P2RY12: variants seen among roughly 807,000 people sequenced by gnomAD.
P2RY12 encodes the protein P2Y purinoceptor 12.
In P2RY12, 3 loss-of-function variants were observed where a neutral mutation model predicts 4.5. The observed-to-expected ratio is 0.67, with a 90% CI of 0.31 to 1.74. The LOEUF is 1.74. Among genes scored for constraint, P2RY12 ranks in the 40% most tolerant of loss-of-function variants. P2RY12 has a pLI of 0.09. For synonymous variants in P2RY12, 148 were observed against 154.1 expected, an observed-to-expected ratio of 0.96 and a Z score of 0.29; for missense variants, 356 against 407.8, an observed-to-expected ratio of 0.87 and a Z score of 1.09.
chr3:151,365,099 C>G, intron 1 of P2RY12: 1 of 1,613,988 alleles, frequency 6.2e-7, no homozygotes. Context: ...CCCGCAGCAT[C>G]AACTACTCAA....
chr3:151,338,226 A>G lies in P2RY12; in HGVS notation c.620T>C (p.Val207Ala), dbSNP rs370983746. 12 of 1,614,020 alleles carry G rather than the reference A, an allele frequency of 7.4e-6. No homozygotes were observed. Among genetic ancestry groups the G allele is most frequent in the Non-Finnish European group, 1.0e-5 (12 of 1,180,012 alleles). ...TTCTTTTGTAATGAGTGTATAACAT[A>G]CAATAACAATTAAGAAATTAATCCA... ...IFWINFLIVIVCYTLITKELY... is the reference protein window; with the variant it reads ...IFWINFLIVIACYTLITKELY... The change falls in exon 3 of 3, where the codon GTA becomes GCA. Residue 207 changes from valine to alanine, a missense_variant. Val to Ala is a moderately conservative substitution (Grantham distance 64). Transcript: ENST00000302632.
intron 1 of P2RY12, chr3:151,365,009 A>G: frequency 6.2e-7 from 1 of 1,613,966 alleles, no homozygotes; most frequent in Non-Finnish European, 8.5e-7. Flanking sequence ...AGCAAACCAT[A>G]TATAATAACG....
chr3:151,376,920 A>G (rs1224996426), intron 1 of P2RY12: 2 of 1,611,794 alleles, frequency 1.2e-6, no homozygotes. Flanking sequence ...TTTTATAAAA[A>G]GCAAAAACAC....
rs1389118773 is a variant in P2RY12, at chr3:151,337,108, AT to A, written c.*708del. On this transcript the variant is annotated 3_prime_UTR_variant, in exon 3 of 3. Transcript: ENST00000302632. ...AACTAGTTTCTCTAGAATTAAGGAA[AT>A]ATTTCTATATTTTTTAGTATTAGAA... The A allele has an allele frequency of 6.6e-6, 1 of 152,098 alleles. No individual in the cohort carries two copies. The highest frequency in any genetic ancestry group is 1.9e-4 in the East Asian group (1 of 5,198). The allele number at this position is 152,098 out of a possible 1,614,324, so 9.4% of individuals were successfully genotyped here. A position where few individuals can be genotyped will look rare whatever the true frequency, so the allele number is the denominator to read the frequency against.
rs1176157032 is a variant in P2RY12 at position 151,364,900 on chromosome 3, AAT to A, written c.-180+19790_-180+19791del. 6.6e-5 allele frequency: 67 copies of A among 1,010,674 alleles called. No homozygotes were observed. The Admixed American group carries it at 1.2e-3, about 19-fold the overall frequency. 62.6% of individuals were successfully genotyped at this position (1,010,674 alleles called of 1,614,324 possible). On this transcript the variant is annotated intron_variant, in intron 1 of 2. Coordinates refer to ENST00000302632, the MANE Select transcript of P2RY12 (RefSeq NM_022788.5). ...GAATGCATTACAGTTCCTGCCATTT[AAT>A]ATGTCCTTAAGTGAAATAGTTTTCT...
At chr3:151,367,943 AC>A (rs1560085284) in intron 1 of P2RY12, among the ~76,000 whole-genome samples, 1 of 152,196 alleles carries the variant, frequency 6.6e-6, no homozygotes. Context: ...AACATGTATC[AC>A]CGTGAAAAAG....
At chr3:151,378,929 AGCAAT>A (rs1342409664) in intron 1 of P2RY12, among the ~76,000 whole-genome samples, 5 of 152,224 alleles carry the variant, frequency 3.3e-5, no homozygotes, top group Non-Finnish European at 7.3e-5. Flanking sequence ...AAATTCTTAT[AGCAAT>A]CATGTGGTAG....
At chr3:151,354,466 T>A (rs1456395379) in intron 1 of P2RY12, among the ~76,000 whole-genome samples, 1 of 152,170 alleles carries the variant, frequency 6.6e-6, no homozygotes, top group Non-Finnish European at 1.5e-5. Flanking sequence ...ATTTCTTTTT[T>A]AAAAAATATA....
At chr3:151,363,142 G>C (rs143421764) in intron 1 of P2RY12, among the ~76,000 whole-genome samples, 1 of 152,060 alleles carries the variant, frequency 6.6e-6, no homozygotes, top group African/African-American at 2.4e-5. Flanking sequence ...AGTGAATAGA[G>C]TAATTACTCA....
chr3:151,365,840 T>C (rs1213133995), intron 1 of P2RY12: 12 of 1,601,802 alleles, frequency 7.5e-6, no homozygotes, highest in Non-Finnish European at 1.0e-5. Context: ...GTCTTCTTTT[T>C]CTTTTCTAGG....
In P2RY12 at chr3:151,338,148, T is replaced by G; in HGVS notation, c.698A>C (p.Lys233Thr). 1 of 1,613,870 alleles carries G rather than the reference T, an allele frequency of 6.2e-7. No homozygotes were observed. The highest frequency in any genetic ancestry group is 1.3e-5 in the African/African-American group (1 of 75,038). ...TRGVGKVPRK[K>T]VNVKVFIIIA... ...GATAATGAAAACTTTGACGTTCACCTTTTTCCTGGGGACTTTACCTACACC... is the reference window on the plus strand; with the variant it reads ...GATAATGAAAACTTTGACGTTCACCGTTTTCCTGGGGACTTTACCTACACC... The change falls in exon 3 of 3, where the codon AAG becomes ACG. Residue 233 changes from lysine to threonine, a missense_variant. Physicochemically the swap from Lys to Thr is moderately conservative, Grantham distance 78. Coordinates refer to ENST00000302632, the MANE Select transcript of P2RY12 (RefSeq NM_022788.5).
rs745898005 is a variant in P2RY12, at chr3:151,337,842, T to C, written c.1004A>G (p.Asp335Gly). The C allele has an allele frequency of 6.2e-7, 1 of 1,614,080 alleles. No individual in the cohort carries two copies. Among genetic ancestry groups the C allele is most frequent in the East Asian group, 2.2e-5 (1 of 44,890 alleles). ...TTACATTGGAGTCTCTTCATTTGGG[T>C]CACCACCATCCTGTTCTTTTTTCCT... is the stretch of plus-strand genomic sequence containing the variant. ...DNRKKEQDGGDPNEETPM is the reference protein window; with the variant it reads ...DNRKKEQDGGGPNEETPM Residue 335 changes from aspartate to glycine, a missense_variant, in exon 3 of 3, where the codon GAC becomes GGC. Transcript: ENST00000302632.
At chr3:151,341,513 G>A (rs1751816179) in intron 1 of P2RY12, among the ~76,000 whole-genome samples, 1 of 151,126 alleles carries the variant, frequency 6.6e-6, no homozygotes, top group African/African-American at 2.4e-5. Context: ...AACCAGAAGG[G>A]CAAAAAATAT....
At chr3:151,355,991 C>T in intron 1 of P2RY12, 1 of 1,614,110 alleles carries the variant, frequency 6.2e-7, no homozygotes, top group South Asian at 1.1e-5. Context: ...TCTTTGATCT[C>T]ATGGAGCCAG....
At chr3:151,378,162 G>A (rs758127256) in intron 1 of P2RY12, 7 of 1,606,630 alleles carry the variant, frequency 4.4e-6, no homozygotes, top group Non-Finnish European at 5.1e-6. Flanking sequence ...GGGACAGACA[G>A]AAACAGAAAA....
At chr3:151,375,936 A>T in intron 1 of P2RY12, 2 of 630,926 alleles carry the variant, frequency 3.2e-6, no homozygotes, top group Non-Finnish European at 4.7e-6. Flanking sequence ...TCAGTTTTCT[A>T]TTCAATTATG....
chr3:151,365,919 G>T, intron 1 of P2RY12: 1 of 1,613,572 alleles, frequency 6.2e-7, no homozygotes, highest in Non-Finnish European at 8.5e-7. Context: ...CAGAATGGCT[G>T]GGGGTTCTGA....
At chr3:151,365,027 T>G (rs1242848518) in intron 1 of P2RY12, 1 of 1,614,110 alleles carries the variant, frequency 6.2e-7, no homozygotes, top group Admixed American at 1.7e-5. Flanking sequence ...ACGTGATGCC[T>G]GCAAATTCGA....
chr3:151,343,133 T>G (rs1428129212), intron 1 of P2RY12, among the ~76,000 whole-genome samples: 1 of 152,176 alleles, frequency 6.6e-6, no homozygotes, highest in African/African-American at 2.4e-5. Context: ...GTGGGATGGT[T>G]GTACGTCTTT....
Sources: allele counts gnomAD v4.1 joint callset (sites outside exome capture counted in the v4.1 genomes callset), GRCh38; gene constraint gnomAD v4.1.1; transcripts MANE v1.5; gene names NCBI Gene and HGNC (gene_info 2026-07-23, HGNC 2026-07-21).